MTA3: variants seen among roughly 807,000 people sequenced by gnomAD.
MTA3 encodes the protein metastasis associated 1 family member 3.
Under a neutral mutation model 83.5 loss-of-function variants are expected in MTA3, and 34 were observed. The observed-to-expected ratio is 0.41, with a 90% CI of 0.31 to 0.54. MTA3 has a LOEUF of 0.54. MTA3 is among the 20% of genes least tolerant of loss of function. MTA3 has a pLI of 0.33. For missense variants in MTA3, 761 were observed against 726.4 expected (o/e 1.05, Z -0.55); for synonymous variants, 303 against 252.7 (o/e 1.20, Z -1.89).
chr2:42,532,469 C>T (rs1676025045), intron 2 of MTA3, among the ~76,000 whole-genome samples: 1 of 152,150 alleles, frequency 6.6e-6, no homozygotes, highest in African/African-American at 2.4e-5. Context: ...AAGACTGCGC[C>T]TCTGCACTCC....
intron 2 of MTA3, among the ~76,000 whole-genome samples, chr2:42,545,295 T>C (rs1402373419): frequency 1.3e-5 from 2 of 152,102 alleles, no homozygotes; most frequent in Non-Finnish European, 2.9e-5. Flanking sequence ...AGAGGATCAC[T>C]TGAGCCTGGG....
intron 2 of MTA3, among the ~76,000 whole-genome samples, chr2:42,532,232 C>T (rs1447100624): frequency 1.3e-5 from 2 of 152,194 alleles, no homozygotes; most frequent in Admixed American, 6.5e-5. Context: ...TGGCCTAGGC[C>T]GTGTGCAGTG....
chr2:42,646,571 T>C (rs1688207524), intron 6 of MTA3, among the ~76,000 whole-genome samples: 1 of 152,232 alleles, frequency 6.6e-6, no homozygotes, highest in Non-Finnish European at 1.5e-5. Flanking sequence ...GGTTTACGAC[T>C]TCAGTGGTGG....
chr2:42,680,853 A>G (rs2104433653), intron 8 of MTA3, among the ~76,000 whole-genome samples: 1 of 152,136 alleles, frequency 6.6e-6, no homozygotes, highest in African/African-American at 2.4e-5. Flanking sequence ...CCTGGGCTGA[A>G]GTGATTTTCT....
At chr2:42,744,180 C>G (rs1310197280) in intron 16 of MTA3, among the ~76,000 whole-genome samples, 2 of 152,178 alleles carry the variant, frequency 1.3e-5, no homozygotes, top group Non-Finnish European at 2.9e-5. Flanking sequence ...GAAGCATTGT[C>G]TGAGGGCAGC....
chr2:42,729,403 G>A (rs71442904), intron 16 of MTA3, among the ~76,000 whole-genome samples: 1 of 152,020 alleles, frequency 6.6e-6, no homozygotes. Flanking sequence ...GCCCAGCCCA[G>A]AGTTTGAGGT....
At chr2:42,583,528 A>G (rs1025833486) in intron 3 of MTA3, among the ~76,000 whole-genome samples, 2 of 152,054 alleles carry the variant, frequency 1.3e-5, no homozygotes, top group African/African-American at 4.8e-5. Flanking sequence ...AACTCTTCTC[A>G]TTATGGACTT....
At chr2:42,499,783 A>G (rs113377651) in intron 2 of MTA3, among the ~76,000 whole-genome samples, 88 of 151,994 alleles carry the variant, frequency 5.8e-4, no homozygotes, top group African/African-American at 2.1e-3. Context: ...GGGAAAAAAA[A>G]AAAGGAATAA....
chr2:42,714,736 T>G (rs969865447), intron 14 of MTA3, among the ~76,000 whole-genome samples: 4 of 152,172 alleles, frequency 2.6e-5, no homozygotes, highest in Non-Finnish European at 5.9e-5. Context: ...TGGGCCGTGA[T>G]GGTTTTGGGA....
chr2:42,609,360 G>T, intron 3 of MTA3, 98 bp from the exon 4 acceptor site: 1 of 1,294,156 alleles, frequency 7.7e-7, no homozygotes. Flanking sequence ...TGATTAGTTT[G>T]AAGAAAATAT....
In MTA3 at chr2:42,722,924, T is replaced by C. The variant is rs1338950663; in HGVS notation, c.1648T>C (p.Ser550Pro). Residue 550 changes from serine (S) to proline (P), a missense_variant, in exon 16 of 17, where the codon TCT (serine) becomes CCT (proline). Ser to Pro is a moderately conservative substitution (Grantham distance 74). Coordinates refer to ENST00000405094, the MANE Select transcript of MTA3 (RefSeq NM_001330442.2). ...HPAKKPNVIRSTPSLQTPTTK... is the reference protein window; with the variant it reads ...HPAKKPNVIRPTPSLQTPTTK... ...TGCAAAGAAACCTAATGTAATTCGA[T>C]CTACACCAAGCCTGCAAACCCCAAC... 2 of 1,551,068 alleles carry C rather than the reference T, an allele frequency of 1.3e-6. No individual in the cohort carries two copies. The highest frequency in any genetic ancestry group is 2.0e-5 in the Admixed American group (1 of 50,982).
intron 3 of MTA3, among the ~76,000 whole-genome samples, chr2:42,585,213 C>T (rs1398278563): frequency 5.9e-5 from 9 of 152,042 alleles, no homozygotes; most frequent in Admixed American, 2.0e-4. Context: ...CTCAGCCTCC[C>T]GAGCAGCTGG....
intron 6 of MTA3, among the ~76,000 whole-genome samples, chr2:42,650,568 T>C (rs1250632416): frequency 1.3e-5 from 2 of 152,056 alleles, no homozygotes; most frequent in African/African-American, 2.4e-5. Context: ...GCCTCCTGAG[T>C]AGCTGGGACT....
chr2:42,540,488 A>AG (rs1055973527), intron 2 of MTA3, among the ~76,000 whole-genome samples: 5 of 152,052 alleles, frequency 3.3e-5, no homozygotes, highest in South Asian at 2.1e-4. Flanking sequence ...TACCCTTGAC[A>AG]GGGGAAAATG....
At chr2:42,522,664 G>C (rs7575116) in intron 2 of MTA3, among the ~76,000 whole-genome samples, 3 of 151,930 alleles carry the variant, frequency 2.0e-5, no homozygotes, top group Non-Finnish European at 4.4e-5. Context: ...GAGTATGGTG[G>C]TGTGTACCTG....
intron 5 of MTA3, among the ~76,000 whole-genome samples, chr2:42,642,930 C>T (rs931838755): frequency 1.3e-5 from 2 of 152,122 alleles, no homozygotes; most frequent in African/African-American, 2.4e-5. Context: ...TAGGCATGAG[C>T]CACTGCACCT....
intron 8 of MTA3, among the ~76,000 whole-genome samples, chr2:42,662,950 C>A (rs1459674238): frequency 6.7e-6 from 1 of 150,270 alleles, no homozygotes; most frequent in South Asian, 2.1e-4. Context: ...AGGCTGGTCT[C>A]GAATTCCTGA....
chr2:42,667,580 G>GTGTGTGTGTGTGTGTGTGTGTT (rs1690360459), intron 8 of MTA3, among the ~76,000 whole-genome samples: 1 of 127,296 alleles, frequency 7.9e-6, no homozygotes, highest in African/African-American at 3.1e-5. Context: ...TTGTGTGTGT[G>GTGTGTGTGTGTGTGTGTGTGTT]TGTGTGTGTG....
At chr2:42,590,372 C>G (rs568944866) in intron 3 of MTA3, among the ~76,000 whole-genome samples, 2 of 152,242 alleles carry the variant, frequency 1.3e-5, no homozygotes, top group South Asian at 2.1e-4. Context: ...ACCAGCACAC[C>G]TCCAACCTTG....
Sources: allele counts gnomAD v4.1 joint callset (sites outside exome capture counted in the v4.1 genomes callset), GRCh38; gene constraint gnomAD v4.1.1; transcripts MANE v1.5; gene names NCBI Gene and HGNC (gene_info 2026-07-23, HGNC 2026-07-21).